Variants in CTSK observed in about 807,000 individuals in gnomAD.
The protein encoded by CTSK is cathepsin K.
In CTSK, 26 loss-of-function variants were observed where a neutral mutation model predicts 40.5. The ratio of observed to expected loss-of-function variants is 0.64; its 90% CI spans 0.47 to 0.89. The LOEUF is 0.89. Among genes scored for constraint, CTSK ranks in the 40% least tolerant of loss-of-function variants. The pLI, the probability that CTSK is intolerant of heterozygous loss-of-function variation, is 0.00. For missense variants in CTSK, 292 were observed against 400.1 expected (o/e 0.73, Z 2.30); for synonymous variants, 132 against 143.2 (o/e 0.92, Z 0.56).
chr1:150,797,108 G>C (rs942758911), intron 7 of CTSK, among the ~76,000 whole-genome samples: 2 of 152,214 alleles, frequency 1.3e-5, no homozygotes. Flanking sequence ...GAGAATCTTA[G>C]AGGCTTGATG....
chr1:150,798,821 G>C (rs1156411155), intron 7 of CTSK, among the ~76,000 whole-genome samples: 1 of 152,170 alleles, frequency 6.6e-6, no homozygotes, highest in Non-Finnish European at 1.5e-5. Flanking sequence ...CTCTCACTAT[G>C]TGACATGCCT....
chr1:150,807,005 T>TTCTCTCTCTCTCTCTCTCTC lies in CTSK; in HGVS notation c.-1-219_-1-200dup, dbSNP rs71659432. ...TAGGGGGATTTAGCCATTTCTCTCT[T>TTCTCTCTCTCTCTCTCTCTC]TCTCTCTCTCTCTCTCTCTCGGGAG... On this transcript the variant is annotated intron_variant, in intron 1 of 7. Coordinates refer to ENST00000271651, the MANE Select transcript of CTSK (RefSeq NM_000396.4). Among the ~76,000 whole-genome samples, 9,219 of 138,926 alleles carry TTCTCTCTCTCTCTCTCTCTC rather than the reference T, an allele frequency of 0.066. 475 individuals carry two copies. The highest frequency in any genetic ancestry group is 0.1 in the African/African-American group (3,902 of 37,186). The allele number at this position is 138,926 out of a possible 152,430, so 91.1% of individuals were successfully genotyped here.
chr1:150,801,493 T>C (rs866502058), intron 5 of CTSK, among the ~76,000 whole-genome samples: 1 of 152,028 alleles, frequency 6.6e-6, no homozygotes, highest in African/African-American at 2.4e-5. Context: ...ATTACAAAAA[T>C]TGCAAAGGAA....
chr1:150,799,304 A>G (rs201807349), intron 6 of CTSK, 31 bp from the exon 7 acceptor site: 35 of 1,509,916 alleles, frequency 2.3e-5, no homozygotes, highest in South Asian at 3.4e-5. Context: ...GTGAGGCTCT[A>G]TGCAATCCAA....
rs1488380838 is a variant in CTSK at position 150,796,755 on chromosome 1, T to A, written c.*44A>T. On this transcript the variant is annotated 3_prime_UTR_variant, in exon 8 of 8. Coordinates refer to ENST00000271651, the MANE Select transcript of CTSK (RefSeq NM_000396.4). ...CAAAGTGCATCGTTACACTGCACCA[T>A]CGTGGAAGAAATGGAAGAGCAGGAT... 3 of 1,342,284 alleles carry A rather than the reference T, an allele frequency of 2.2e-6. No homozygotes were observed. Among genetic ancestry groups the A allele is most frequent in the East Asian group, 2.3e-5 (1 of 43,566 alleles). 83.1% of individuals were successfully genotyped at this position (1,342,284 alleles called of 1,614,324 possible).
In CTSK at chr1:150,807,434, C is replaced by G. The variant is rs113353089; in HGVS notation, c.-1-628G>C. The G allele has an allele frequency of 6.2e-5, 29 of 467,354 alleles. 2 individuals carry two copies. Among genetic ancestry groups the G allele is most frequent in the African/African-American group, 2.2e-4 (11 of 49,996 alleles). 29.0% of individuals were successfully genotyped at this position (467,354 alleles called of 1,614,324 possible). The stretch of plus-strand genomic sequence containing the variant: ...CATTCTCCTTATGCATTTCTTCTTC[C>G]TTTTTCTCTCCCTTCCCTCCTTAGG... On this transcript the variant is annotated intron_variant, in intron 1 of 7. Coordinates refer to ENST00000271651, the MANE Select transcript of CTSK (RefSeq NM_000396.4).
Position 150,804,012 on chromosome 1 carries a change from C to A in CTSK, c.618+9G>T. The A allele has an allele frequency of 6.2e-7, 1 of 1,610,654 alleles. No homozygotes were observed. Among genetic ancestry groups the A allele is most frequent in the Non-Finnish European group, 8.5e-7 (1 of 1,176,994 alleles). ...AACAGAGCTGTATAATTGTGTGGAG[C>A]AATCTCACCTGTCCCACATATGGGT... On this transcript the variant is annotated intron_variant, in intron 5 of 7. Transcript: ENST00000271651.
rs1294260185 is a variant in CTSK at position 150,806,735 on chromosome 1, G to C, written c.71C>G (p.Thr24Ser). 6.2e-7 allele frequency: 1 copy of C among 1,613,954 alleles called. No individual in the cohort carries two copies. Among genetic ancestry groups the C allele is most frequent in the Non-Finnish European group, 8.5e-7 (1 of 1,180,018 alleles). Reference protein sequence around the residue: ...FALYPEEILDTHWELWKKTHR... With the variant: ...FALYPEEILDSHWELWKKTHR... ...GGTCTTCTTCCATAGCTCCCAGTGG[G>C]TGTCCAGTATCTCCTCAGGGTACAG... Residue 24 changes from threonine to serine, a missense_variant, in exon 2 of 8, where the codon ACC (threonine) becomes AGC (serine). Coordinates refer to ENST00000271651, the MANE Select transcript of CTSK (RefSeq NM_000396.4).
intron 5 of CTSK, among the ~76,000 whole-genome samples, chr1:150,803,599 T>G (rs587651687): frequency 6.6e-6 from 1 of 152,350 alleles, no homozygotes; most frequent in South Asian, 2.1e-4. Context: ...TTTTCTCTCA[T>G]TTTATAGATG....
rs764168526 is a variant in CTSK at position 150,806,186 on chromosome 1, G to GT, written c.158dup (p.Asn53LysfsTer9). The GT allele has an allele frequency of 7.4e-6, 12 of 1,613,904 alleles. No homozygotes were observed. In the Admixed American group the frequency reaches 1.8e-4, roughly 25 times the overall value. ...GGTTATGGATGGAAATATACTTCAG[G>GT]TTTTTTTCCCAAATTAAACGCCGAG... On this transcript the variant is annotated frameshift_variant, in exon 3 of 8. Transcript: ENST00000271651. LOFTEE classifies it high-confidence loss of function.
chr1:150,805,875 G>C lies in CTSK; in HGVS notation c.385C>G (p.Pro129Ala). 6.2e-7 allele frequency: 1 copy of C among 1,614,056 alleles called. No individual in the cohort carries two copies. Among genetic ancestry groups the C allele is most frequent in the Non-Finnish European group, 8.5e-7 (1 of 1,180,006 alleles). Residue 129 changes from proline (P) to alanine (A), a missense_variant, in exon 4 of 8, where the codon CCT becomes GCT. By Grantham distance (27) the Pro-to-Ala change is conservative. Transcript: ENST00000271651. Reference protein sequence around the residue: ...VDYRKKGYVTPVKNQGQCGSC... With the variant: ...VDYRKKGYVTAVKNQGQCGSC... Reference sequence around the variant, plus strand: ...AAGGAGAGTACCTGATTTTTGACAGGAGTAACATATCCTTTCTTTCGATAG... The same window carrying C: ...AAGGAGAGTACCTGATTTTTGACAGCAGTAACATATCCTTTCTTTCGATAG...
intron 5 of CTSK, among the ~76,000 whole-genome samples, chr1:150,800,152 G>A (rs894996515): frequency 8.5e-5 from 10 of 117,146 alleles, no homozygotes; most frequent in South Asian, 2.9e-4. Context: ...AGCCAAGATC[G>A]CGCCATTGCA....
intron 7 of CTSK, among the ~76,000 whole-genome samples, chr1:150,797,760 C>T (rs914335177): frequency 1.3e-5 from 2 of 152,132 alleles, no homozygotes; most frequent in Admixed American, 6.5e-5. Context: ...TGATCCTGCC[C>T]GGGTGTGTCC....
chr1:150,798,405 T>C (rs989372698), intron 7 of CTSK, among the ~76,000 whole-genome samples: 11 of 152,166 alleles, frequency 7.2e-5, no homozygotes, highest in Non-Finnish European at 1.6e-4. Context: ...CAAAAGAAAG[T>C]AAAAATACGT....
intron 5 of CTSK, among the ~76,000 whole-genome samples, chr1:150,800,075 T>C (rs953741679): frequency 2.6e-5 from 4 of 151,188 alleles, no homozygotes; most frequent in Admixed American, 2.0e-4. Context: ...CGGGCGCCTG[T>C]AGTCCCAGCT....
chr1:150,805,962 A>T lies in CTSK; in HGVS notation c.298T>A (p.Ser100Thr). ...MTGLKVPLSHSRSNDTLYIPE... is the reference protein window; with the variant it reads ...MTGLKVPLSHTRSNDTLYIPE... Reference sequence around the variant, plus strand: ...ATATAAAGGGTGTCATTACTGCGGGAATGAGACAGGGGTACTTTGAGTCCA... The same window carrying T: ...ATATAAAGGGTGTCATTACTGCGGGTATGAGACAGGGGTACTTTGAGTCCA... The change falls in exon 4 of 8, where the codon TCC becomes ACC. Residue 100 changes from serine to threonine, a missense_variant. Transcript: ENST00000271651. 1.2e-6 allele frequency: 2 copies of T among 1,614,172 alleles called. No homozygotes were observed. Among genetic ancestry groups the T allele is most frequent in the Non-Finnish European group, 1.7e-6 (2 of 1,180,040 alleles).
At chr1:150,801,930 A>G (rs2101949843) in intron 5 of CTSK, among the ~76,000 whole-genome samples, 1 of 152,258 alleles carries the variant, frequency 6.6e-6, no homozygotes, top group South Asian at 2.1e-4. Context: ...GTATCCAAAT[A>G]TTCTCTTTAA....
rs759923370 is a variant in CTSK, at chr1:150,805,771, C to G, written c.399+90G>C. 191 of 1,348,732 alleles carry G rather than the reference C, an allele frequency of 1.4e-4. No individual in the cohort carries two copies. In the Middle Eastern group the frequency reaches 1.4e-3, roughly 10 times the overall value. The allele number at this position is 1,348,732 out of a possible 1,614,324, so 83.5% of individuals were successfully genotyped here. A position where few individuals can be genotyped will look rare whatever the true frequency, so the allele number is the denominator to read the frequency against. On this transcript the variant is annotated intron_variant, in intron 4 of 7. Coordinates refer to ENST00000271651, the MANE Select transcript of CTSK (RefSeq NM_000396.4). Reference sequence around the variant, plus strand: ...TACCTTAATTCCTTGCCCTCTTTTCCTGGTGCCCTTTCACCTCAAGAACAA... The same window carrying G: ...TACCTTAATTCCTTGCCCTCTTTTCGTGGTGCCCTTTCACCTCAAGAACAA...
At chr1:150,801,482 C>T (rs1398568382) in intron 5 of CTSK, among the ~76,000 whole-genome samples, 3 of 151,802 alleles carry the variant, frequency 2.0e-5, no homozygotes, top group Non-Finnish European at 4.4e-5. Flanking sequence ...GAATAAAACA[C>T]ATTACAAAAA....
Sources: allele counts gnomAD v4.1 joint callset (sites outside exome capture counted in the v4.1 genomes callset), GRCh38; gene constraint gnomAD v4.1.1; transcripts MANE v1.5; gene names NCBI Gene and HGNC (gene_info 2026-07-23, HGNC 2026-07-21).